The following GRM5 variants were observed in gnomAD, a reference collection of about 807,000 sequenced individuals.
GRM5 encodes the protein metabotropic glutamate receptor 5.
In GRM5, 19 loss-of-function variants were observed where a neutral mutation model predicts 83.1. The observed-to-expected ratio is 0.23, with a 90% CI of 0.16 to 0.34. The LOEUF is 0.34. Among genes scored for constraint, GRM5 ranks in the 10% least tolerant of loss-of-function variants. The pLI, the probability that GRM5 is intolerant of heterozygous loss-of-function variation, is 1.00. For synonymous variants in GRM5, 675 were observed against 633.6 expected (o/e 1.07, Z -0.98); for missense variants, 1,160 against 1,588.3 (o/e 0.73, Z 4.58).
Position 88,819,664 on chromosome 11 carries a change from T to C in GRM5, c.911+30242A>G, listed in dbSNP as rs539224513. On this transcript the variant is annotated intron_variant, in intron 3 of 9. Transcript: ENST00000305447. Reference sequence around the variant, plus strand: ...GCAAATATTTGTGGGTTACTGTGGCTCACTTAATTCCTTTTTAAGGACTTC... The same window carrying C: ...GCAAATATTTGTGGGTTACTGTGGCCCACTTAATTCCTTTTTAAGGACTTC... 2.0e-5 allele frequency among the ~76,000 whole-genome samples: 3 copies of C among 152,354 alleles called. No individual in the cohort carries two copies. The South Asian group carries it at 6.2e-4, about 32-fold the overall frequency.
intron 4 of GRM5, among the ~76,000 whole-genome samples, chr11:88,650,856 A>C (rs1165458994): frequency 6.6e-6 from 1 of 152,042 alleles, no homozygotes; most frequent in Non-Finnish European, 1.5e-5. Context: ...TAGTTATATG[A>C]CTGGAGGAAC....
At chr11:89,030,769 T>C (rs1941242642) in intron 2 of GRM5, among the ~76,000 whole-genome samples, 1 of 152,090 alleles carries the variant, frequency 6.6e-6, no homozygotes. Context: ...TCTATGATCT[T>C]ATGCCCTATT....
intron 3 of GRM5, among the ~76,000 whole-genome samples, chr11:88,673,904 A>C (rs77998140): frequency 0.019 from 2,748 of 143,808 alleles, 64 homozygotes; most frequent in East Asian, 0.099. Context: ...AAAAAAAAAA[A>C]CAAACATACT....
chr11:88,677,322 T>C (rs551658097), intron 3 of GRM5, among the ~76,000 whole-genome samples: 1 of 152,248 alleles, frequency 6.6e-6, no homozygotes, highest in Admixed American at 6.6e-5. Context: ...TCCAGACTTG[T>C]CTCTGTCAAC....
intron 8 of GRM5, among the ~76,000 whole-genome samples, chr11:88,541,718 T>C (rs4753505): frequency 0.43 from 64,983 of 152,000 alleles, 15,573 homozygotes; most frequent in East Asian, 0.69. Flanking sequence ...AGAAATACCA[T>C]GTAATTTACA....
chr11:88,750,714 T>C (rs1437020481), intron 3 of GRM5, among the ~76,000 whole-genome samples: 1 of 152,080 alleles, frequency 6.6e-6, no homozygotes, highest in Non-Finnish European at 1.5e-5. Flanking sequence ...AGAACTTAAA[T>C]CATAACAAAC....
chr11:89,010,765 G>A (rs1020424021), intron 2 of GRM5, among the ~76,000 whole-genome samples: 22 of 150,888 alleles, frequency 1.5e-4, no homozygotes, highest in African/African-American at 5.1e-4. Flanking sequence ...TGGGAGAATA[G>A]TTATTAGAAC....
At chr11:89,015,827 G>A (rs1940838838) in intron 2 of GRM5, among the ~76,000 whole-genome samples, 1 of 152,120 alleles carries the variant, frequency 6.6e-6, no homozygotes, top group African/African-American at 2.4e-5. Context: ...AGACTACCAG[G>A]CAGCACCTGG....
chr11:88,687,521 CACACAT>C (rs1203840557), intron 3 of GRM5, among the ~76,000 whole-genome samples: 1,805 of 34,342 alleles, frequency 0.053, 149 homozygotes, highest in East Asian at 0.24. Context: ...CACACACACA[CACACAT>C]ACATATATAT....
chr11:89,050,441 T>G (rs1319715863), intron 1 of GRM5, among the ~76,000 whole-genome samples: 1 of 151,656 alleles, frequency 6.6e-6, no homozygotes, highest in East Asian at 1.9e-4. Context: ...CCTTACATAT[T>G]TGTATTCTAA....
intron 3 of GRM5, among the ~76,000 whole-genome samples, chr11:88,663,453 GA>G (rs146325355): frequency 1.8e-4 from 28 of 152,270 alleles, no homozygotes; most frequent in African/African-American, 6.7e-4. Context: ...GCCATTTGGA[GA>G]AATGCAAAAA....
At chr11:89,022,609 G>T (rs1398789741) in intron 2 of GRM5, among the ~76,000 whole-genome samples, 2 of 152,088 alleles carry the variant, frequency 1.3e-5, no homozygotes, top group Non-Finnish European at 2.9e-5. Flanking sequence ...CCGAGATCGT[G>T]CCACTGCACT....
chr11:88,917,631 A>C (rs1945617527), intron 2 of GRM5, among the ~76,000 whole-genome samples: 1 of 152,164 alleles, frequency 6.6e-6, no homozygotes. Flanking sequence ...AATTTTAACA[A>C]AGAGATTAAA....
intron 2 of GRM5, among the ~76,000 whole-genome samples, chr11:88,968,161 A>C (rs677976): frequency 0.47 from 70,798 of 151,978 alleles, 17,261 homozygotes; most frequent in South Asian, 0.65. Context: ...TTAATTTTGA[A>C]TGTCCAATAC....
chr11:88,517,610 A>T (rs1941558220), intron 9 of GRM5, among the ~76,000 whole-genome samples: 2 of 152,148 alleles, frequency 1.3e-5, no homozygotes. Flanking sequence ...TGCCAATAAG[A>T]TTAGTTGGAC....
intron 4 of GRM5, among the ~76,000 whole-genome samples, chr11:88,628,203 A>G (rs1015204071): frequency 3.3e-5 from 5 of 152,188 alleles, no homozygotes; most frequent in African/African-American, 4.8e-5. Flanking sequence ...AGAGCCCTTA[A>G]GTCACATTTC....
chr11:88,906,659 T>C (rs1945408616), intron 2 of GRM5, among the ~76,000 whole-genome samples: 1 of 152,192 alleles, frequency 6.6e-6, no homozygotes, highest in South Asian at 2.1e-4. Flanking sequence ...TATGGTGTAA[T>C]GAATGCAATA....
chr11:88,600,217 T>G (rs1027569689), intron 5 of GRM5, among the ~76,000 whole-genome samples: 7 of 151,526 alleles, frequency 4.6e-5, no homozygotes, highest in Non-Finnish European at 7.4e-5. Context: ...CCTCCTTCTC[T>G]TCTTCCTCAA....
chr11:88,926,711 T>C (rs1270302108), intron 2 of GRM5, among the ~76,000 whole-genome samples: 1 of 152,174 alleles, frequency 6.6e-6, no homozygotes, highest in Non-Finnish European at 1.5e-5. Flanking sequence ...GGAACTAGAC[T>C]TCTAAATCAT....
Sources: allele counts gnomAD v4.1 joint callset (sites outside exome capture counted in the v4.1 genomes callset), GRCh38; gene constraint gnomAD v4.1.1; transcripts MANE v1.5; gene names NCBI Gene and HGNC (gene_info 2026-07-23, HGNC 2026-07-21).